The following SCRG1 variants were observed in gnomAD, a reference collection of about 807,000 sequenced individuals.
SCRG1 encodes the protein scrapie-responsive protein 1.
SCRG1 carries 3 observed loss-of-function variants against 7.7 expected under a neutral mutation model. The ratio of observed to expected loss-of-function variants is 0.39; its 90% confidence interval spans 0.18 to 1.01. SCRG1 has a LOEUF of 1.01. Ranked by LOEUF, SCRG1 falls within the 50% of genes least tolerant of loss-of-function variation. The probability of loss-of-function intolerance (pLI) is 0.36; values close to 1 mark genes in which losing one functional copy is unlikely to be tolerated. For missense variants in SCRG1, 110 were observed against 117.2 expected (o/e 0.94, Z 0.28); for synonymous variants, 46 against 41.2 (o/e 1.12, Z -0.44).
At chr4:173,485,030 T>TATATATTATATAATATATAATATATA in the SCRG1 span, among the ~76,000 whole-genome samples, 24 of 19,000 alleles carry the variant, frequency 1.3e-3, 3 homozygotes, top group African/African-American at 5.4e-3. Flanking sequence ...TATAATATAT[T>TATATATTATATAATATATAATATATA]ATATATTATA....
chr4:173,496,540 G>C, the SCRG1 span, among the ~76,000 whole-genome samples: 1 of 152,182 alleles, frequency 6.6e-6, no homozygotes, highest in Non-Finnish European at 1.5e-5. Flanking sequence ...CTCTATCAGG[G>C]AGTTGGATAT....
At chr4:173,412,446 C>G in the SCRG1 span, among the ~76,000 whole-genome samples, 1 of 152,144 alleles carries the variant, frequency 6.6e-6, no homozygotes. Context: ...CATGTTGATG[C>G]CTTGATTCCC....
upstream of SCRG1, among the ~76,000 whole-genome samples, chr4:173,410,601 C>T (rs1740015492): frequency 6.6e-6 from 1 of 152,090 alleles, no homozygotes; most frequent in Admixed American, 6.6e-5. Flanking sequence ...AACCAAATTA[C>T]CTACTATATG....
the SCRG1 span, among the ~76,000 whole-genome samples, chr4:173,495,500 G>A: frequency 5.9e-5 from 9 of 152,182 alleles, no homozygotes; most frequent in Admixed American, 3.3e-4. Context: ...CACTATGTGC[G>A]CATATGAAAA....
At chr4:173,517,467 G>A in the SCRG1 span, among the ~76,000 whole-genome samples, 274 of 151,762 alleles carry the variant, frequency 1.8e-3, no homozygotes, top group African/African-American at 6.4e-3. Context: ...GACACTAGGG[G>A]GAAGTAACTG....
At chr4:173,419,554 G>A in the SCRG1 span, 5 of 728,952 alleles carry the variant, frequency 6.9e-6, no homozygotes, top group Admixed American at 9.0e-5. Flanking sequence ...TGTGCTTCCG[G>A]TGTACTTCTG....
At position 173,391,448 on chromosome 4, in the gene SCRG1, A is replaced by G; in HGVS notation, c.-14-20T>C. The G allele has an allele frequency of 6.2e-7, 1 of 1,611,826 alleles. No individual in the cohort carries two copies. Among genetic ancestry groups the G allele is most frequent in the South Asian group, 1.1e-5 (1 of 90,948 alleles). ...TTGGCCCTGAAATAGAAGAAAGACC[A>G]AAATGTGTCAATGTTTGTTTTTTAA... On this transcript the variant is annotated intron_variant, in intron 1 of 2. Coordinates refer to ENST00000296506, the MANE Select transcript of SCRG1 (RefSeq NM_007281.4).
At chr4:173,391,095 A>C in intron 2 of SCRG1, 78 bp downstream of exon 2, 1 of 1,488,104 alleles carries the variant, frequency 6.7e-7, no homozygotes, top group Non-Finnish European at 9.3e-7. Flanking sequence ...AATTTCAGCA[A>C]ACCTATTATG....
the SCRG1 span, among the ~76,000 whole-genome samples, chr4:173,455,169 A>G: frequency 1.3e-5 from 2 of 151,998 alleles, no homozygotes; most frequent in African/African-American, 4.8e-5. Flanking sequence ...TCACAATCGA[A>G]GGCTTTGGCA....
upstream of SCRG1, among the ~76,000 whole-genome samples, chr4:173,410,464 T>C (rs944821520): frequency 1.3e-5 from 2 of 152,226 alleles, no homozygotes; most frequent in Non-Finnish European, 2.9e-5. Flanking sequence ...ACAGAAGTTA[T>C]GTTTAAAACC....
At chr4:173,493,215 C>T in the SCRG1 span, among the ~76,000 whole-genome samples, 1 of 152,012 alleles carries the variant, frequency 6.6e-6, no homozygotes, top group African/African-American at 2.4e-5. Flanking sequence ...GGCAGACTTC[C>T]CCCTTGTTGT....
the SCRG1 span, among the ~76,000 whole-genome samples, chr4:173,456,107 A>G: frequency 6.6e-6 from 1 of 152,202 alleles, no homozygotes; most frequent in Non-Finnish European, 1.5e-5. Flanking sequence ...TGAGACATTC[A>G]AGCCTTGACA....
chr4:173,478,749 T>C, the SCRG1 span, among the ~76,000 whole-genome samples: 2 of 152,290 alleles, frequency 1.3e-5, no homozygotes, highest in South Asian at 4.2e-4. Flanking sequence ...AAGACCAATA[T>C]TCTTGCAGAA....
At chr4:173,484,244 ATATATTTTC>A in the SCRG1 span, among the ~76,000 whole-genome samples, 163 of 91,864 alleles carry the variant, frequency 1.8e-3, 2 homozygotes, top group East Asian at 9.8e-3. Context: ...TTTATATATT[ATATATTTTC>A]TATATAATAT....
chr4:173,484,948 TATA>T, the SCRG1 span, among the ~76,000 whole-genome samples: 1 of 62,468 alleles, frequency 1.6e-5, no homozygotes, highest in African/African-American at 6.6e-5. Flanking sequence ...ATATATTATA[TATA>T]ATATTATATA....
the SCRG1 span, among the ~76,000 whole-genome samples, chr4:173,509,195 C>T: frequency 6.6e-6 from 1 of 152,166 alleles, no homozygotes; most frequent in Non-Finnish European, 1.5e-5. This position sits in a 1 kb window ranked among gnomAD's most constrained non-coding sequence, Gnocchi z 5.7. Context: ...AGCTCCAGGG[C>T]CTACTTTTGC....
At chr4:173,435,722 C>A in the SCRG1 span, among the ~76,000 whole-genome samples, 16 of 152,096 alleles carry the variant, frequency 1.1e-4, no homozygotes, top group Non-Finnish European at 2.4e-4. Context: ...AAATACAGAG[C>A]AAAGGAGAGT....
At chr4:173,461,507 C>G in the SCRG1 span, among the ~76,000 whole-genome samples, 2 of 152,268 alleles carry the variant, frequency 1.3e-5, no homozygotes, top group Non-Finnish European at 2.9e-5. Flanking sequence ...CATTACTGCG[C>G]TTGGGGTGCC....
At chr4:173,488,503 A>T in the SCRG1 span, among the ~76,000 whole-genome samples, 2 of 152,182 alleles carry the variant, frequency 1.3e-5, no homozygotes, top group South Asian at 2.1e-4. Context: ...GCGTTCTAAA[A>T]TTCTAGTTCT....
Sources: allele counts gnomAD v4.1 joint callset (sites outside exome capture counted in the v4.1 genomes callset), GRCh38; gene constraint gnomAD v4.1.1; non-coding constraint Gnocchi (gnomAD v3.1); transcripts MANE v1.5; gene names NCBI Gene and HGNC (gene_info 2026-07-23, HGNC 2026-07-21).